ARHGEF4: variants seen among roughly 807,000 people sequenced by gnomAD.
ARHGEF4 encodes the protein Rho guanine nucleotide exchange factor 4, also known as APC-stimulated guanine nucleotide exchange factor 1.
Under a neutral mutation model 162.0 loss-of-function variants are expected in ARHGEF4, and 119 were observed. That is an observed-to-expected ratio of 0.73 (90% CI 0.63 to 0.86). ARHGEF4 has a LOEUF of 0.86. ARHGEF4 is among the 40% of genes least tolerant of loss of function. The pLI, the probability that ARHGEF4 is intolerant of heterozygous loss-of-function variation, is 0.00. For missense variants in ARHGEF4, 2,488 were observed against 2,456.0 expected, an observed-to-expected ratio of 1.01 and a Z score of -0.28; for synonymous variants, 1,014 against 979.9, an observed-to-expected ratio of 1.03 and a Z score of -0.65.
intron 4 of ARHGEF4, among the ~76,000 whole-genome samples, chr2:130,949,348 A>G (rs1683812326): frequency 6.6e-6 from 1 of 151,488 alleles, no homozygotes. Context: ...TATTTACTTT[A>G]TTTTATTTAT....
At chr2:130,986,076 C>T (rs553544456) in intron 4 of ARHGEF4, among the ~76,000 whole-genome samples, 13 of 149,604 alleles carry the variant, frequency 8.7e-5, no homozygotes, top group South Asian at 2.1e-4. Context: ...GTGTGCATGA[C>T]GTGTTTTGTG....
intron 2 of ARHGEF4, among the ~76,000 whole-genome samples, chr2:130,928,357 G>A (rs926673811): frequency 2.6e-5 from 4 of 152,180 alleles, no homozygotes; most frequent in African/African-American, 7.2e-5. Flanking sequence ...GTGCTGAGTC[G>A]CTCCCTGTTC....
chr2:130,917,391 C>T lies in ARHGEF4; in HGVS notation c.3445C>T (p.Leu1149=). The change falls in exon 2 of 14, where the codon CTG becomes TTG. Residue 1149 remains leucine (L), a synonymous_variant. Coordinates refer to ENST00000409359, the MANE Select transcript of ARHGEF4 (RefSeq NM_001367493.1). The part of the protein sequence containing the change: ...PKGQTSFLLS[L]QTLNQDEQKE... ...GGGCCAGACCAGTTTCCTGCTTTCT[C>T]TGCAGACGCTAAACCAAGATGAGCA... 1 of 1,550,658 alleles carries T rather than the reference C, an allele frequency of 6.4e-7. No homozygotes were observed.
At chr2:131,014,999 A>G (rs1446893536) in intron 4 of ARHGEF4, among the ~76,000 whole-genome samples, 1 of 152,112 alleles carries the variant, frequency 6.6e-6, no homozygotes, top group Non-Finnish European at 1.5e-5. Flanking sequence ...AGCATGTCTC[A>G]CCTGTGTGTG....
chr2:130,900,000 G>A (rs1287984699), intron 1 of ARHGEF4, among the ~76,000 whole-genome samples: 1 of 152,122 alleles, frequency 6.6e-6, no homozygotes, highest in Non-Finnish European at 1.5e-5. Context: ...TGGAAAATAT[G>A]TTATTTAATT....
chr2:130,891,270 G>T (rs952828129), intron 1 of ARHGEF4, among the ~76,000 whole-genome samples: 1 of 152,164 alleles, frequency 6.6e-6, no homozygotes, highest in African/African-American at 2.4e-5. Flanking sequence ...TACAGCTGGG[G>T]TGCAAATATA....
At chr2:130,937,229 G>A (rs1040467060) in intron 3 of ARHGEF4, among the ~76,000 whole-genome samples, 1 of 151,960 alleles carries the variant, frequency 6.6e-6, no homozygotes, top group African/African-American at 2.4e-5. Context: ...TTTCTTTTGA[G>A]ATTCCATTAT....
At chr2:130,879,602 C>A (rs1244836764) in intron 1 of ARHGEF4, among the ~76,000 whole-genome samples, 1 of 152,154 alleles carries the variant, frequency 6.6e-6, no homozygotes, top group Non-Finnish European at 1.5e-5. Flanking sequence ...GCCCACACCC[C>A]AGCCCCTGGT....
chr2:131,041,515 C>T, intron 9 of ARHGEF4, 53 bp downstream of exon 9: 2 of 1,545,426 alleles, frequency 1.3e-6, no homozygotes, highest in Non-Finnish European at 1.8e-6. Context: ...TGCCTCCAGT[C>T]AGCCAGTTTG....
At chr2:130,869,849 CT>C (rs1286740620) in intron 1 of ARHGEF4, among the ~76,000 whole-genome samples, 1 of 152,186 alleles carries the variant, frequency 6.6e-6, no homozygotes, top group Non-Finnish European at 1.5e-5. Context: ...CGGTGTTAAG[CT>C]TGGGGGCCAG....
At chr2:131,023,259 T>C (rs1242081258) in intron 4 of ARHGEF4, among the ~76,000 whole-genome samples, 1 of 151,754 alleles carries the variant, frequency 6.6e-6, no homozygotes, top group Non-Finnish European at 1.5e-5. Context: ...CGAGACACCA[T>C]CTCTACGAAA....
chr2:130,847,059 G>GC, intron 1 of ARHGEF4, among the ~76,000 whole-genome samples: 1 of 152,288 alleles, frequency 6.6e-6, no homozygotes, highest in African/African-American at 2.4e-5. Context: ...ATTCTGATGT[G>GC]CGCGGGCTAA....
In ARHGEF4 at chr2:130,915,570, G is replaced by A. The variant is rs1335287854; in HGVS notation, c.1624G>A (p.Gly542Ser). The change falls in exon 2 of 14, where the codon GGC (glycine) becomes AGC (serine). Residue 542 changes from glycine (G) to serine (S), a missense_variant. Physicochemically the swap from Gly to Ser is moderately conservative, Grantham distance 56. Coordinates refer to ENST00000409359, the MANE Select transcript of ARHGEF4 (RefSeq NM_001367493.1). ...CCAGGTGTGGAGTGGAGACTTGATG[G>A]GCTGCTTGGAAGTGAGTGACAGTTC... is the stretch of plus-strand genomic sequence containing the variant. ...GTQVWSGDLM[G>S]CLEVSDSSDA... 6.4e-7 allele frequency: 1 copy of A among 1,550,550 alleles called. No homozygotes were observed. Among genetic ancestry groups the A allele is most frequent in the East Asian group, 2.4e-5 (1 of 40,928 alleles).
intron 4 of ARHGEF4, among the ~76,000 whole-genome samples, chr2:130,985,648 C>A (rs1191465167): frequency 6.6e-6 from 1 of 152,186 alleles, no homozygotes; most frequent in East Asian, 1.9e-4. Flanking sequence ...CAAGCAAATA[C>A]AAGTTTCAGA....
rs1280434745 is a variant in ARHGEF4, at chr2:131,007,405, T to C, written c.3986-20540T>C. Among the ~76,000 whole-genome samples, 4 of 152,358 alleles carry C rather than the reference T, an allele frequency of 2.6e-5. No homozygotes were observed. In the East Asian group the frequency reaches 7.7e-4, roughly 29 times the overall value. On this transcript the variant is annotated intron_variant, in intron 4 of 13. Coordinates refer to ENST00000409359, the MANE Select transcript of ARHGEF4 (RefSeq NM_001367493.1). The stretch of plus-strand genomic sequence containing the variant: ...ACCTTCAAATAGATAGTTATTACTT[T>C]TTCACTCAAGTTTTTAAGCTCTCCT...
At chr2:130,876,977 T>C (rs886109198) in intron 1 of ARHGEF4, among the ~76,000 whole-genome samples, 3 of 152,214 alleles carry the variant, frequency 2.0e-5, no homozygotes, top group African/African-American at 2.4e-5. Context: ...ATGTATTTGA[T>C]AGAGTAAAAT....
Position 130,946,601 on chromosome 2 carries a change from C to A in ARHGEF4, c.3951C>A (p.Asn1317Lys). Residue 1317 changes from asparagine (N) to lysine (K), a missense_variant, in exon 4 of 14, where the codon AAC (asparagine) becomes AAA (lysine). Around this residue, in one of 6 missense-constraint regions of ARHGEF4, gnomAD observed 1,642 missense variants for 1,481.5 expected, o/e 1.11. Coordinates refer to ENST00000409359, the MANE Select transcript of ARHGEF4 (RefSeq NM_001367493.1). The part of the protein sequence containing the change: ...PLSQSAPTGL[N>K]HMGWPEHTPG... ...CCCAGAGTGCTCCAACGGGACTGAA[C>A]CACATGGGCTGGCCAGAGCACACAC... 6.2e-7 allele frequency: 1 copy of A among 1,614,118 alleles called. No individual in the cohort carries two copies. The highest frequency in any genetic ancestry group is 1.1e-5 in the South Asian group (1 of 91,078).
At position 130,842,532 on chromosome 2, in the gene ARHGEF4, C is replaced by T. The variant is rs564688850; in HGVS notation, c.39+5540C>T. Among the ~76,000 whole-genome samples, 6 of 152,280 alleles carry T rather than the reference C, an allele frequency of 3.9e-5. No individual in the cohort carries two copies. The South Asian group carries it at 6.2e-4, about 16-fold the overall frequency. ...GGCAGTTAGAAGTAGCAAGCGCACC[C>T]GGCAGTCCTTGGATTCTTCATGCCT... On this transcript the variant is annotated intron_variant, in intron 1 of 13. Coordinates refer to ENST00000409359, the MANE Select transcript of ARHGEF4 (RefSeq NM_001367493.1).
At chr2:130,857,037 A>G (rs1681842648) in intron 1 of ARHGEF4, among the ~76,000 whole-genome samples, 1 of 152,192 alleles carries the variant, frequency 6.6e-6, no homozygotes. Flanking sequence ...CCTGGCTAAC[A>G]TGGTGAAACC....
Sources: gnomAD v4.1 joint callset for allele counts (sites outside exome capture counted in the v4.1 genomes callset) on GRCh38, gnomAD v4.1.1 for gene constraint, gnomAD v4.1.1 regional missense constraint, MANE v1.5 for transcripts, NCBI Gene and HGNC (gene_info 2026-07-23, HGNC 2026-07-21) for gene names.